INPP5F: variants seen among roughly 807,000 people sequenced by gnomAD.
INPP5F encodes the protein phosphatidylinositide 4-phosphatase SAC2.
Under a neutral mutation model 137.2 loss-of-function variants are expected in INPP5F, and 97 were observed. The observed-to-expected ratio is 0.71, with a 90% confidence interval of 0.60 to 0.84. The LOEUF (loss-of-function observed/expected upper bound fraction) is 0.84, where lower values mean the gene tolerates loss of function less well. Among genes scored for constraint, INPP5F ranks in the 40% least tolerant of loss-of-function variants. INPP5F has a pLI of 0.00. For synonymous variants in INPP5F, 504 were observed against 476.9 expected, an observed-to-expected ratio of 1.06 and a Z score of -0.74; for missense variants, 1,271 against 1,371.9, an observed-to-expected ratio of 0.93 and a Z score of 1.16.
chr10:119,809,907 T>C (rs1418801917), intron 13 of INPP5F, among the ~76,000 whole-genome samples, 193 bp from the exon 14 acceptor site: 2 of 152,234 alleles, frequency 1.3e-5, no homozygotes, highest in Non-Finnish European at 2.9e-5. Context: ...ACAAATAGCA[T>C]TTGACAAGCT....
Position 119,823,072 on chromosome 10 carries a change from C to T in INPP5F, c.2034C>T (p.Gly678=). The T allele has an allele frequency of 1.2e-6, 2 of 1,612,526 alleles. No individual in the cohort carries two copies. The highest frequency in any genetic ancestry group is 2.2e-5 in the East Asian group (1 of 44,844). ...ATACGTATTCATTTGGGATTTTAGG[C>T]CCTGAACCCACTCTTTTTGGTAAGC... ...SLENLEKIEI[G]PEPTLFGKPK... is the part of the protein sequence containing the mutation. Residue 678 remains glycine, a splice_region_variant and synonymous_variant, in exon 18 of 20, where the codon GGC becomes GGT. Coordinates refer to ENST00000650623, the MANE Select transcript of INPP5F (RefSeq NM_014937.4).
chr10:119,732,500 C>CTTTTTTT lies in INPP5F; in HGVS notation c.97+6152_97+6158dup, dbSNP rs59388357. ...TGAGCACTTTTCTTTTTTCTTTTTT[C>CTTTTTTT]TTTTTTTTTTTTTTTTTGAGACGGA... On this transcript the variant is annotated intron_variant, in intron 1 of 19. Transcript: ENST00000650623. Among the ~76,000 whole-genome samples the CTTTTTTT allele has an allele frequency of 5.1e-3, 594 of 115,386 alleles. 10 individuals carry two copies. The highest frequency in any genetic ancestry group is 0.012 in the African/African-American group (358 of 29,332). 75.7% of individuals were successfully genotyped at this position (115,386 alleles called of 152,430 possible).
rs34239637 is a variant in INPP5F at position 119,796,747 on chromosome 10, G to A, written c.702G>A (p.Met234Ile). 8.1e-3 allele frequency: 12,997 copies of A among 1,613,720 alleles called. 58 individuals are homozygous for A. Among genetic ancestry groups the A allele is most frequent in the Non-Finnish European group, 9.8e-3 (11,557 of 1,179,758 alleles). ...TPDVDFWIIP[M>I]IQGFVQIEEL... ...ATGTGGACTTTTGGATTATCCCCAT[G>A]ATCCAAGGTTTTGTGCAGATTGAAG... Residue 234 changes from methionine (M) to isoleucine (I), a missense_variant, in exon 7 of 20, where the codon ATG becomes ATA. Around this residue, in one of 6 missense-constraint regions of INPP5F, gnomAD observed 593 missense variants for 712.4 expected, o/e 0.83. Coordinates refer to ENST00000650623, the MANE Select transcript of INPP5F (RefSeq NM_014937.4).
intron 1 of INPP5F, among the ~76,000 whole-genome samples, chr10:119,729,140 AG>A (rs1212364302): frequency 7.3e-6 from 1 of 136,636 alleles, no homozygotes; most frequent in East Asian, 2.4e-4. Flanking sequence ...TTTTTGGGGG[AG>A]GGGGAAAGGG....
intron 9 of INPP5F, among the ~76,000 whole-genome samples, 170 bp from the exon 10 acceptor site, chr10:119,804,003 A>G (rs540696071): frequency 6.6e-6 from 1 of 152,366 alleles, no homozygotes; most frequent in Admixed American, 6.5e-5. Context: ...TTTATAGGAA[A>G]AAAATTGATG....
Position 119,807,988 on chromosome 10 carries a change from C to T in INPP5F, c.1497C>T (p.Arg499=). Residue 499 remains arginine (R), a synonymous_variant, in exon 13 of 20, where the codon CGC becomes CGT. Coordinates refer to ENST00000650623, the MANE Select transcript of INPP5F (RefSeq NM_014937.4). ...PEQPLPVKCN[R]IYQIMWANNG... ...AGCCATTACCTGTGAAATGTAATCG[C>T]ATCTACCAGATAATGTGGGCCAATA... 6.2e-7 allele frequency: 1 copy of T among 1,613,928 alleles called. No homozygotes were observed. The highest frequency in any genetic ancestry group is 8.5e-7 in the Non-Finnish European group (1 of 1,179,936).
chr10:119,818,311 G>T (rs892151109), intron 15 of INPP5F, among the ~76,000 whole-genome samples: 12 of 152,264 alleles, frequency 7.9e-5, no homozygotes, highest in Admixed American at 7.2e-4. Flanking sequence ...GCTAAGCCAA[G>T]TGGTGTTCCC....
chr10:119,797,288 CAA>C (rs1191544969), intron 7 of INPP5F, among the ~76,000 whole-genome samples, 171 bp from the exon 8 acceptor site: 1 of 152,158 alleles, frequency 6.6e-6, no homozygotes, highest in Non-Finnish European at 1.5e-5. Context: ...TTGTTAAAAA[CAA>C]TGATGCATAC....
intron 1 of INPP5F, among the ~76,000 whole-genome samples, chr10:119,734,010 A>G (rs769745571): frequency 5.9e-5 from 9 of 152,246 alleles, no homozygotes; most frequent in Non-Finnish European, 1.0e-4. Flanking sequence ...AAGGGAGAAT[A>G]TAAGAACAAA....
At chr10:119,781,391 AT>A (rs1849699915) in intron 2 of INPP5F, among the ~76,000 whole-genome samples, 1 of 152,258 alleles carries the variant, frequency 6.6e-6, no homozygotes, top group Non-Finnish European at 1.5e-5. Context: ...ATTGTTCCCA[AT>A]CTGATGGGTG....
At chr10:119,767,439 T>C (rs1209057626) in intron 2 of INPP5F, among the ~76,000 whole-genome samples, 14 of 152,060 alleles carry the variant, frequency 9.2e-5, no homozygotes, top group Non-Finnish European at 1.5e-5. Context: ...AATAATAAAA[T>C]ATTGTAAAAA....
chr10:119,815,156 T>C (rs1196012063), intron 15 of INPP5F: 1 of 152,530 alleles, frequency 6.6e-6, no homozygotes. Context: ...TGAACCACTG[T>C]GCCCAGCCCT....
chr10:119,731,959 A>G (rs896741202), intron 1 of INPP5F, among the ~76,000 whole-genome samples: 3 of 151,326 alleles, frequency 2.0e-5, no homozygotes, highest in African/African-American at 7.3e-5. Context: ...TTTATTTCCC[A>G]TTTAAAGGTA....
chr10:119,798,744 A>G, intron 9 of INPP5F, 134 bp downstream of exon 9: 1 of 357,906 alleles, frequency 2.8e-6, no homozygotes, highest in Non-Finnish European at 4.9e-6. Flanking sequence ...TTAAGCTAAG[A>G]GTTTTCTTAA....
rs34906556 is a variant in INPP5F at position 119,765,741 on chromosome 10, CTGTGTGTGTG to C, written c.178+14619_178+14628del. Reference sequence around the variant, plus strand: ...AACTCCTGCATTGTTCAAGGGTAAACTGTGTGTGTGTGTGTGTGTGTGTGTGTGTGTGTGT... The same window carrying C: ...AACTCCTGCATTGTTCAAGGGTAAACTGTGTGTGTGTGTGTGTGTGTGTGT... On this transcript the variant is annotated intron_variant, in intron 2 of 19. Transcript: ENST00000650623. Among the ~76,000 whole-genome samples the C allele has an allele frequency of 3.9e-3, 494 of 127,684 alleles. 4 individuals are homozygous for C. The highest frequency in any genetic ancestry group is 0.01 in the African/African-American group (341 of 33,214). The allele number at this position is 127,684 out of a possible 152,430, so 83.8% of individuals were successfully genotyped here.
At chr10:119,779,843 A>G (rs1292342353) in intron 2 of INPP5F, among the ~76,000 whole-genome samples, 1 of 152,186 alleles carries the variant, frequency 6.6e-6, no homozygotes, top group Non-Finnish European at 1.5e-5. Context: ...TTAAAACACA[A>G]ACACATTGTA....
At chr10:119,742,152 C>CTTATTTATTTAT (rs59040706) in intron 1 of INPP5F, among the ~76,000 whole-genome samples, 415 of 150,206 alleles carry the variant, frequency 2.8e-3, no homozygotes, top group African/African-American at 7.8e-3. Flanking sequence ...TGTTATTTTA[C>CTTATTTATTTAT]TTATTTATTT....
At chr10:119,815,687 G>C in intron 15 of INPP5F, 1 of 280,762 alleles carries the variant, frequency 3.6e-6, no homozygotes, top group Non-Finnish European at 7.2e-6. Flanking sequence ...CAGGACAGCA[G>C]GAGTGTCTGA....
intron 6 of INPP5F, among the ~76,000 whole-genome samples, chr10:119,793,331 A>G (rs546173075): frequency 2.6e-5 from 4 of 152,236 alleles, no homozygotes; most frequent in Non-Finnish European, 5.9e-5. Flanking sequence ...GAATGCAGGT[A>G]GATCCTTTAC....
Sources: gnomAD v4.1 joint callset for allele counts (sites outside exome capture counted in the v4.1 genomes callset) on GRCh38, gnomAD v4.1.1 for gene constraint, gnomAD v4.1.1 regional missense constraint, MANE v1.5 for transcripts, NCBI Gene and HGNC (gene_info 2026-07-23, HGNC 2026-07-21) for gene names.